PAK1: variants seen among roughly 807,000 people sequenced by gnomAD.
PAK1 encodes p21 (RAC1) activated kinase 1.
A neutral mutation model predicts 67.4 loss-of-function variants in PAK1; 29 were observed. The observed-to-expected ratio is 0.43, with a 90% CI of 0.32 to 0.59. PAK1 has a LOEUF of 0.59. Ranked by LOEUF, PAK1 falls within the 20% of genes least tolerant of loss-of-function variation. PAK1 has a pLI of 0.07. For missense variants in PAK1, 337 were observed against 670.7 expected (o/e 0.50, Z 5.50); for synonymous variants, 223 against 237.4 (o/e 0.94, Z 0.56).
At chr11:77,361,580 A>G (rs1946796928) in intron 5 of PAK1, among the ~76,000 whole-genome samples, 1 of 152,076 alleles carries the variant, frequency 6.6e-6, no homozygotes, top group African/African-American at 2.4e-5. Context: ...TTTTCTTTTT[A>G]AAGTGCTTTA....
chr11:77,494,681 T>C, the PAK1 span, among the ~76,000 whole-genome samples: 1 of 150,608 alleles, frequency 6.6e-6, no homozygotes, highest in Non-Finnish European at 1.5e-5. Context: ...GAATGGAAAA[T>C]GATACAGACA....
intron 4 of PAK1, 52 bp downstream of exon 4, chr11:77,379,189 C>T (rs1949500263): frequency 1.4e-6 from 2 of 1,467,168 alleles, no homozygotes; most frequent in East Asian, 4.9e-5. Context: ...AGCTTTCCCA[C>T]CCAGATTAAA....
chr11:77,379,281 C>T lies in PAK1; in HGVS notation c.399G>A (p.Ser133=), dbSNP rs753139022. 3.5e-5 allele frequency: 56 copies of T among 1,613,824 alleles called. No individual in the cohort carries two copies. Among genetic ancestry groups the T allele is most frequent in the Non-Finnish European group, 4.3e-5 (51 of 1,179,826 alleles). The change falls in exon 4 of 15, where the codon TCG becomes TCA. Residue 133 remains serine, a synonymous_variant. Coordinates refer to ENST00000356341, the MANE Select transcript of PAK1 (RefSeq NM_002576.5). The part of the protein sequence containing the change: ...AVLDVLEFYN[S]KKTSNSQKYM... ...ATTTCTGGCTGTTGGATGTCTTCTTCGAGTTGTAAAACTCCAACACATCCA... is the reference window on the plus strand; with the variant it reads ...ATTTCTGGCTGTTGGATGTCTTCTTTGAGTTGTAAAACTCCAACACATCCA...
intron 1 of PAK1, among the ~76,000 whole-genome samples, chr11:77,414,073 G>C (rs576489647): frequency 6.6e-6 from 1 of 152,274 alleles, no homozygotes; most frequent in African/African-American, 2.4e-5. Context: ...ATTCAGCCAG[G>C]TGGCTCTCTG....
At chr11:77,382,669 C>T (rs1031754372) in intron 2 of PAK1, among the ~76,000 whole-genome samples, 3 of 152,138 alleles carry the variant, frequency 2.0e-5, no homozygotes, top group Admixed American at 6.6e-5. Flanking sequence ...TTCAATACAG[C>T]ACATGGCTTA....
intron 1 of PAK1, among the ~76,000 whole-genome samples, chr11:77,442,901 C>G (rs1379145871): frequency 6.6e-6 from 1 of 152,154 alleles, no homozygotes; most frequent in Non-Finnish European, 1.5e-5. Context: ...ACAAGGTGAC[C>G]TTGTGCAATT....
At position 77,442,288 on chromosome 11, in the gene PAK1, G is replaced by T. The variant is rs186733256; in HGVS notation, c.-22+31264C>A. 5.7e-4 allele frequency among the ~76,000 whole-genome samples: 87 copies of T among 152,206 alleles called. 1 individual carries two copies. The Middle Eastern group carries it at 0.017, about 30-fold the overall frequency. On this transcript the variant is annotated intron_variant, in intron 1 of 14. Coordinates refer to ENST00000356341, the MANE Select transcript of PAK1 (RefSeq NM_002576.5). ...TTGTAGAGTCCTCTCCCACAGGGTT[G>T]GTCTATGTGACTGAAAGAATACAAC...
intron 6 of PAK1, among the ~76,000 whole-genome samples, chr11:77,356,459 C>T (rs1453703081): frequency 2.6e-5 from 4 of 152,168 alleles, no homozygotes; most frequent in Non-Finnish European, 4.4e-5. Flanking sequence ...AACATGGACT[C>T]TGGAACCTGA....
At chr11:77,459,203 C>T (rs1001701100) in intron 1 of PAK1, among the ~76,000 whole-genome samples, 15 of 152,168 alleles carry the variant, frequency 9.9e-5, no homozygotes, top group Admixed American at 6.5e-4. Context: ...ACATATTATC[C>T]TATAAACAAT....
At chr11:77,511,062 G>A in the PAK1 span, among the ~76,000 whole-genome samples, 3 of 152,264 alleles carry the variant, frequency 2.0e-5, no homozygotes, top group East Asian at 1.9e-4. Flanking sequence ...TTTTCATAAC[G>A]AGCAGACAGG....
intron 1 of PAK1, among the ~76,000 whole-genome samples, chr11:77,455,409 G>C (rs1344899214): frequency 6.6e-6 from 1 of 152,140 alleles, no homozygotes; most frequent in Admixed American, 6.5e-5. Flanking sequence ...ATTGGATGAT[G>C]GGAGAGACTA....
chr11:77,474,772 G>GT (rs2135614175), upstream of PAK1: 1 of 152,264 alleles, frequency 6.6e-6, no homozygotes, highest in African/African-American at 2.4e-5. Context: ...TTCCTTTCAC[G>GT]TTTTTTCCCC....
At chr11:77,528,548 T>C in the PAK1 span, among the ~76,000 whole-genome samples, 1 of 152,088 alleles carries the variant, frequency 6.6e-6, no homozygotes, top group Non-Finnish European at 1.5e-5. Flanking sequence ...CCTTGCTATG[T>C]TGAGCAGACT....
At chr11:77,466,347 T>C (rs1398373536) in intron 1 of PAK1, among the ~76,000 whole-genome samples, 3 of 152,236 alleles carry the variant, frequency 2.0e-5, no homozygotes, top group Non-Finnish European at 4.4e-5. Flanking sequence ...CTCACGCCTG[T>C]AATCCCAGCA....
chr11:77,336,482 G>C (rs1942712807), intron 12 of PAK1, among the ~76,000 whole-genome samples, 200 bp from the exon 13 acceptor site: 1 of 152,116 alleles, frequency 6.6e-6, no homozygotes, highest in South Asian at 2.1e-4. Context: ...AAGAGAAATA[G>C]AAGGAATATA....
rs1388703710 is a variant in PAK1 at position 77,323,373 on chromosome 11, A to T, written c.1552-13T>A. On this transcript the variant is annotated splice_polypyrimidine_tract_variant and intron_variant, in intron 14 of 14. Coordinates refer to ENST00000356341, the MANE Select transcript of PAK1 (RefSeq NM_002576.5). ...TCAGGAATTGATGCTAGAAAGGAGA[A>T]AAATAGCAAAAGACACATGACTATT... is the stretch of plus-strand genomic sequence containing the variant. The T allele has an allele frequency of 1.3e-6, 2 of 1,507,104 alleles. No homozygotes were observed. Among genetic ancestry groups the T allele is most frequent in the Non-Finnish European group, 1.8e-6 (2 of 1,082,344 alleles). 93.4% of individuals were successfully genotyped at this position (1,507,104 alleles called of 1,614,324 possible). A position where few individuals can be genotyped will look rare whatever the true frequency, so the allele number is the denominator to read the frequency against.
chr11:77,489,887 G>C, the PAK1 span, among the ~76,000 whole-genome samples: 1 of 152,222 alleles, frequency 6.6e-6, no homozygotes, highest in Non-Finnish European at 1.5e-5. Context: ...TGGGAAGTGA[G>C]AAGCGTCTCT....
chr11:77,412,425 CATTATT>C (rs1021474896), intron 1 of PAK1, among the ~76,000 whole-genome samples: 3 of 151,784 alleles, frequency 2.0e-5, no homozygotes, highest in Non-Finnish European at 4.4e-5. Flanking sequence ...GCAGCTGCTA[CATTATT>C]ATTATTATTA....
the PAK1 span, among the ~76,000 whole-genome samples, chr11:77,521,517 G>A: frequency 6.6e-6 from 1 of 150,940 alleles, no homozygotes; most frequent in African/African-American, 2.4e-5. Context: ...CAACAAAACC[G>A]AAACTCCACC....
Sources: allele counts gnomAD v4.1 joint callset (sites outside exome capture counted in the v4.1 genomes callset), GRCh38; gene constraint gnomAD v4.1.1; transcripts MANE v1.5; gene names NCBI Gene and HGNC (gene_info 2026-07-23, HGNC 2026-07-21).